Variants in EPHA4 observed in about 807,000 individuals in gnomAD.
EPHA4 encodes ephrin type-A receptor 4.
A neutral mutation model predicts 108.3 loss-of-function variants in EPHA4; 19 were observed. The observed-to-expected ratio is 0.18, with a 90% confidence interval of 0.12 to 0.26. The LOEUF is 0.26. Ranked by LOEUF, EPHA4 falls within the 10% of genes least tolerant of loss-of-function variation. The pLI is 1.00. For synonymous variants in EPHA4, 449 were observed against 455.5 expected (o/e 0.99, Z 0.18); for missense variants, 917 against 1,254.0 (o/e 0.73, Z 4.06).
At chr2:221,439,572 T>C (rs990615025) in intron 11 of EPHA4, among the ~76,000 whole-genome samples, 7 of 151,782 alleles carry the variant, frequency 4.6e-5, no homozygotes, top group African/African-American at 1.7e-4. Flanking sequence ...ACTGCAGCCT[T>C]GAACTCCTGG....
chr2:221,548,491 A>G (rs1255220380), intron 3 of EPHA4, among the ~76,000 whole-genome samples: 2 of 152,062 alleles, frequency 1.3e-5, no homozygotes, highest in Admixed American at 6.6e-5. Flanking sequence ...GAAGCCAAGC[A>G]GTTGCTGAGG....
chr2:221,462,991 A>C (rs1475349348), intron 5 of EPHA4, among the ~76,000 whole-genome samples: 9 of 152,148 alleles, frequency 5.9e-5, no homozygotes, highest in Admixed American at 5.9e-4. Context: ...CATAATGATA[A>C]ATCCAGAAAG....
At chr2:221,503,550 C>T (rs1692542838) in intron 3 of EPHA4, among the ~76,000 whole-genome samples, 1 of 152,094 alleles carries the variant, frequency 6.6e-6, no homozygotes, top group South Asian at 2.1e-4. Context: ...TACATTTTTT[C>T]CTATTTTTCC....
chr2:221,420,841 C>T (rs533858631), intron 17 of EPHA4, among the ~76,000 whole-genome samples: 1 of 152,244 alleles, frequency 6.6e-6, no homozygotes, highest in African/African-American at 2.4e-5. Context: ...AAGTACCCTG[C>T]CCAATGCCAT....
At chr2:221,457,193 T>C (rs1034539201) in intron 6 of EPHA4, among the ~76,000 whole-genome samples, 24 of 152,234 alleles carry the variant, frequency 1.6e-4, no homozygotes, top group African/African-American at 5.5e-4. Context: ...GTCCCTTTTC[T>C]ACTTTTAATA....
At chr2:221,492,533 A>C (rs1213178002) in intron 4 of EPHA4, among the ~76,000 whole-genome samples, 3 of 152,180 alleles carry the variant, frequency 2.0e-5, no homozygotes, top group Admixed American at 6.5e-5. Context: ...AATTTTCTTC[A>C]AACAAAAACC....
intron 4 of EPHA4, among the ~76,000 whole-genome samples, chr2:221,488,076 A>C (rs1246887693): frequency 6.6e-6 from 1 of 152,152 alleles, no homozygotes; most frequent in Non-Finnish European, 1.5e-5. Flanking sequence ...TGCTCCCTGC[A>C]GCAACTACTC....
intron 3 of EPHA4, among the ~76,000 whole-genome samples, chr2:221,561,784 T>G (rs2106207482): frequency 6.6e-6 from 1 of 152,336 alleles, no homozygotes; most frequent in African/African-American, 2.4e-5. Flanking sequence ...CTAGGCTCTG[T>G]GACAATTGAA....
chr2:221,477,008 GCA>G (rs965972200), intron 5 of EPHA4, among the ~76,000 whole-genome samples: 20 of 151,894 alleles, frequency 1.3e-4, no homozygotes, highest in African/African-American at 4.8e-4. Flanking sequence ...ACTACATGTG[GCA>G]CAGTGGCATT....
rs199863003 is a variant in EPHA4, at chr2:221,474,424, A to AAC, written c.1318+7927_1318+7928insGT. ...GTTAGAATCAAGAGACTGTTTCTTAAAAAAAAAAAAAAAAGTACCGCATGT... is the reference window on the plus strand; with the variant it reads ...GTTAGAATCAAGAGACTGTTTCTTAAACAAAAAAAAAAAAAAGTACCGCATGT... On this transcript the variant is annotated intron_variant, in intron 5 of 17. Coordinates refer to ENST00000281821, the MANE Select transcript of EPHA4 (RefSeq NM_004438.5). Among the ~76,000 whole-genome samples the AAC allele has an allele frequency of 6.4e-3, 874 of 136,488 alleles. 11 individuals are homozygous for AAC. Among genetic ancestry groups the AAC allele is most frequent in the African/African-American group, 0.028 (814 of 28,810 alleles). The allele number at this position is 136,488 out of a possible 152,430, so 89.5% of individuals were successfully genotyped here. A position where few individuals can be genotyped will look rare whatever the true frequency, so the allele number is the denominator to read the frequency against.
chr2:221,526,498 C>G (rs1171010882), intron 3 of EPHA4, among the ~76,000 whole-genome samples: 1 of 150,956 alleles, frequency 6.6e-6, no homozygotes, highest in Admixed American at 6.6e-5. Context: ...TCTCAAAGGT[C>G]TCCACCTTTC....
chr2:221,472,365 C>T (rs1252194891), intron 5 of EPHA4, among the ~76,000 whole-genome samples: 1 of 149,842 alleles, frequency 6.7e-6, no homozygotes, highest in Non-Finnish European at 1.5e-5. Flanking sequence ...AGTATGTTAT[C>T]TAGAAAAACA....
chr2:221,486,406 GT>G (rs1290785902), intron 4 of EPHA4, among the ~76,000 whole-genome samples: 2 of 152,042 alleles, frequency 1.3e-5, no homozygotes, highest in East Asian at 3.9e-4. Context: ...TTCCATGTCT[GT>G]TTCTATCACC....
chr2:221,515,901 G>A (rs1692974341), intron 3 of EPHA4, among the ~76,000 whole-genome samples: 1 of 150,926 alleles, frequency 6.6e-6, no homozygotes, highest in African/African-American at 2.4e-5. Context: ...TTTTAAAATA[G>A]GATTTTTTCC....
intron 13 of EPHA4, among the ~76,000 whole-genome samples, chr2:221,434,758 C>A (rs1690179863): frequency 6.6e-6 from 1 of 152,028 alleles, no homozygotes; most frequent in South Asian, 2.1e-4. Flanking sequence ...GTCTACCTCC[C>A]CTTATACAGC....
At position 221,437,041 on chromosome 2, in the gene EPHA4, A is replaced by C. The variant is rs374279858; in HGVS notation, c.2136+20T>G. 15 of 1,576,986 alleles carry C rather than the reference A, an allele frequency of 9.5e-6. No homozygotes were observed. In the African/African-American group the frequency reaches 1.9e-4, roughly 20 times the overall value. On this transcript the variant is annotated intron_variant, in intron 12 of 17. Coordinates refer to ENST00000281821, the MANE Select transcript of EPHA4 (RefSeq NM_004438.5). ...TCTAAATACCAACATTCTTGGGTTT[A>C]ATATAAAGTAGTCACATACCCTGAG...
intron 17 of EPHA4, among the ~76,000 whole-genome samples, chr2:221,421,379 A>G (rs1689758063): frequency 6.6e-6 from 1 of 152,336 alleles, no homozygotes; most frequent in East Asian, 1.9e-4. Flanking sequence ...ACAAGAGAGT[A>G]ACTCCTGATA....
intron 12 of EPHA4, 24 bp downstream of exon 12, chr2:221,437,037 G>T (rs761606882): frequency 6.4e-7 from 1 of 1,568,426 alleles, no homozygotes; most frequent in Admixed American, 1.7e-5. Context: ...ACATTCTTGG[G>T]TTTAATATAA....
At chr2:221,432,270 GAAGAAA>G (rs2106094590) in intron 14 of EPHA4, among the ~76,000 whole-genome samples, 1 of 152,076 alleles carries the variant, frequency 6.6e-6, no homozygotes, top group African/African-American at 2.4e-5. Context: ...GATTTCAACG[GAAGAAA>G]AAGAAAGCTT....
Sources: gnomAD v4.1 joint callset for allele counts (sites outside exome capture counted in the v4.1 genomes callset) on GRCh38, gnomAD v4.1.1 for gene constraint, MANE v1.5 for transcripts, NCBI Gene and HGNC (gene_info 2026-07-23, HGNC 2026-07-21) for gene names.